The following GPR158 variants were observed in gnomAD, a reference collection of about 807,000 sequenced individuals.
GPR158 encodes metabotropic glycine receptor.
Under a neutral mutation model 78.2 loss-of-function variants are expected in GPR158, and 30 were observed. That is an observed-to-expected ratio of 0.38 (90% confidence interval 0.29 to 0.52). GPR158 has a LOEUF of 0.52. Ranked by LOEUF, GPR158 falls within the 20% of genes least tolerant of loss-of-function variation. The probability of loss-of-function intolerance (pLI) is 0.83; values close to 1 mark genes in which losing one functional copy is unlikely to be tolerated. For missense variants in GPR158, 1,463 were observed against 1,523.5 expected, an observed-to-expected ratio of 0.96 and a Z score of 0.66; for synonymous variants, 581 against 591.1, an observed-to-expected ratio of 0.98 and a Z score of 0.25.
chr10:25,201,198 C>A (rs771674329), intron 1 of GPR158, among the ~76,000 whole-genome samples: 6 of 152,034 alleles, frequency 3.9e-5, no homozygotes, highest in South Asian at 2.1e-4. Flanking sequence ...TTTTGTAATT[C>A]TCATTGTAGA....
At chr10:25,494,392 G>A (rs1835851215) in intron 5 of GPR158, among the ~76,000 whole-genome samples, 1 of 152,080 alleles carries the variant, frequency 6.6e-6, no homozygotes, top group African/African-American at 2.4e-5. Flanking sequence ...TCAGTGTAAA[G>A]CTATATGAAG....
chr10:25,230,335 A>G (rs1215836778), intron 2 of GPR158, among the ~76,000 whole-genome samples: 2 of 152,200 alleles, frequency 1.3e-5, no homozygotes, highest in Non-Finnish European at 2.9e-5. Context: ...GCAGAACCAT[A>G]GCAAAAGCCA....
At chr10:25,566,214 T>A (rs1836927298) in intron 6 of GPR158, among the ~76,000 whole-genome samples, 1 of 152,176 alleles carries the variant, frequency 6.6e-6, no homozygotes, top group Non-Finnish European at 1.5e-5. Context: ...CTTTTAGTTT[T>A]GGGGGAAGGT....
At chr10:25,565,420 A>C (rs756563380) in intron 6 of GPR158, among the ~76,000 whole-genome samples, 71 of 152,226 alleles carry the variant, frequency 4.7e-4, no homozygotes, top group Non-Finnish European at 7.5e-4. Context: ...GACAGACGGC[A>C]TGGCATTCAA....
chr10:25,380,457 T>C (rs1026372517), intron 2 of GPR158, among the ~76,000 whole-genome samples: 6 of 152,230 alleles, frequency 3.9e-5, no homozygotes, highest in African/African-American at 1.2e-4. Context: ...TATATTTATG[T>C]ATATAATGCA....
chr10:25,434,667 A>G (rs1834973240), intron 4 of GPR158, among the ~76,000 whole-genome samples: 2 of 152,214 alleles, frequency 1.3e-5, no homozygotes, highest in African/African-American at 2.4e-5. Context: ...AAGGAAATAT[A>G]TATAAATATA....
rs192891370 is a variant in GPR158, at chr10:25,320,552, C to T, written c.1009-75359C>T. Among the ~76,000 whole-genome samples the T allele has an allele frequency of 1.0e-3, 152 of 152,296 alleles. 2 individuals carry two copies. Among genetic ancestry groups the T allele is most frequent in the African/African-American group, 3.5e-3 (147 of 41,568 alleles). On this transcript the variant is annotated intron_variant, in intron 2 of 10. Transcript: ENST00000376351. The stretch of plus-strand genomic sequence containing the variant: ...GTTTTGGCAATTGCAGTGCCTAATA[C>T]AGAGATACCTTTAATGATCTTTATG...
chr10:25,412,309 G>A lies in GPR158; in HGVS notation c.1171G>A (p.Val391Ile), dbSNP rs1297103154. The A allele has an allele frequency of 6.2e-7, 1 of 1,614,158 alleles. No individual in the cohort carries two copies. The highest frequency in any genetic ancestry group is 1.1e-5 in the South Asian group (1 of 91,084). ...AAAAGATGTGTCAGAAGAAGCCTAT[G>A]TCTGCCTACCTTGCAGGGAGGGCTG... ...STKDVSEEAYVCLPCREGCPF... is the reference protein window; with the variant it reads ...STKDVSEEAYICLPCREGCPF... The change falls in exon 4 of 11, where the codon GTC (valine) becomes ATC (isoleucine). Residue 391 changes from valine (V) to isoleucine (I), a missense_variant. Transcript: ENST00000376351.
chr10:25,364,214 A>T (rs1442105079), intron 2 of GPR158, among the ~76,000 whole-genome samples: 1 of 151,868 alleles, frequency 6.6e-6, no homozygotes, highest in Non-Finnish European at 1.5e-5. Flanking sequence ...AGCATATCTT[A>T]CTCCAAAGTC....
chr10:25,200,696 G>A (rs1852911852), intron 1 of GPR158, among the ~76,000 whole-genome samples: 1 of 152,028 alleles, frequency 6.6e-6, no homozygotes, highest in Non-Finnish European at 1.5e-5. Context: ...AAGGTGTCCA[G>A]TGTTAAAAAT....
chr10:25,396,072 C>T (rs767504105), intron 3 of GPR158, 59 bp downstream of exon 3: 23 of 717,670 alleles, frequency 3.2e-5, no homozygotes, highest in African/African-American at 1.5e-4. Flanking sequence ...ACTATTATTA[C>T]GAAGATTTTC....
At chr10:25,566,023 A>G (rs1413954809) in intron 6 of GPR158, among the ~76,000 whole-genome samples, 1 of 152,156 alleles carries the variant, frequency 6.6e-6, no homozygotes, top group African/African-American at 2.4e-5. Context: ...ATTTTGTGAC[A>G]TGTCTTAGAT....
chr10:25,297,716 C>T (rs1314947360), intron 2 of GPR158, among the ~76,000 whole-genome samples: 1 of 152,156 alleles, frequency 6.6e-6, no homozygotes, highest in African/African-American at 2.4e-5. Flanking sequence ...GCTTGTGAAC[C>T]ATGACCTATA....
At position 25,511,185 on chromosome 10, in the gene GPR158, T is replaced by A. The variant is rs552171354; in HGVS notation, c.1405-39791T>A. On this transcript the variant is annotated intron_variant, in intron 5 of 10. Transcript: ENST00000376351. ...CAGCAGTGTAGAAGTGTTCCCTTTT[T>A]GCCACATCCCTGCCAACATCTATTA... is the stretch of plus-strand genomic sequence containing the variant. 1.5e-4 allele frequency among the ~76,000 whole-genome samples: 23 copies of A among 152,272 alleles called. No homozygotes were observed. In the South Asian group the frequency reaches 4.8e-3, roughly 32 times the overall value.
chr10:25,513,521 G>T (rs1327603397), intron 5 of GPR158, among the ~76,000 whole-genome samples: 1 of 150,136 alleles, frequency 6.7e-6, no homozygotes, highest in Non-Finnish European at 1.5e-5. Flanking sequence ...ATTTTATTTA[G>T]CACTGCTCTG....
At chr10:25,361,686 AGTTCC>A (rs1855643582) in intron 2 of GPR158, among the ~76,000 whole-genome samples, 1 of 151,962 alleles carries the variant, frequency 6.6e-6, no homozygotes, top group South Asian at 2.1e-4. Flanking sequence ...CCTGATGATT[AGTTCC>A]ATTAAGCAAG....
At chr10:25,579,009 C>CA (rs1473021364) in intron 7 of GPR158, among the ~76,000 whole-genome samples, 1 of 147,542 alleles carries the variant, frequency 6.8e-6, no homozygotes, top group Non-Finnish European at 1.5e-5. Context: ...GACTCCGTCT[C>CA]AAAAAAAATA....
At chr10:25,188,551 A>G (rs1333156136) in intron 1 of GPR158, among the ~76,000 whole-genome samples, 1 of 152,242 alleles carries the variant, frequency 6.6e-6, no homozygotes, top group Non-Finnish European at 1.5e-5. Context: ...CCTATTTATT[A>G]AATGGTGCTG....
At chr10:25,270,359 G>A (rs1259344972) in intron 2 of GPR158, among the ~76,000 whole-genome samples, 1 of 152,110 alleles carries the variant, frequency 6.6e-6, no homozygotes. Context: ...CAGGGGAACT[G>A]AATATGGAAG....
Sources: allele counts gnomAD v4.1 joint callset (sites outside exome capture counted in the v4.1 genomes callset), GRCh38; gene constraint gnomAD v4.1.1; transcripts MANE v1.5; gene names NCBI Gene and HGNC (gene_info 2026-07-23, HGNC 2026-07-21).